The following ZFPM2 variants were observed in gnomAD, a reference collection of about 807,000 sequenced individuals.
ZFPM2 encodes the protein zinc finger protein, FOG family member 2.
A neutral mutation model predicts 98.6 loss-of-function variants in ZFPM2; 20 were observed. The ratio of observed to expected loss-of-function variants is 0.20; its 90% CI spans 0.14 to 0.29. The LOEUF (loss-of-function observed/expected upper bound fraction) is 0.29. Among genes scored for constraint, ZFPM2 ranks in the 10% least tolerant of loss-of-function variants. ZFPM2 has a pLI of 1.00. For missense variants in ZFPM2, 1,310 were observed against 1,388.6 expected (o/e 0.94, Z 0.90); for synonymous variants, 518 against 502.7 (o/e 1.03, Z -0.41).
At chr8:105,550,355 TAGTTA>T (rs1044554809) in intron 3 of ZFPM2, among the ~76,000 whole-genome samples, 4 of 152,180 alleles carry the variant, frequency 2.6e-5, no homozygotes, top group Non-Finnish European at 5.9e-5. Flanking sequence ...TCCTTCCACC[TAGTTA>T]AGTTGTTACA....
At chr8:105,771,327 A>G (rs770295750) in intron 5 of ZFPM2, among the ~76,000 whole-genome samples, 2 of 152,134 alleles carry the variant, frequency 1.3e-5, no homozygotes, top group East Asian at 1.9e-4. Flanking sequence ...ACAAAATCCT[A>G]TCACAACACC....
At chr8:105,380,938 T>TATATATATTATATGTTATATA (rs1563631499) in intron 1 of ZFPM2, among the ~76,000 whole-genome samples, 1 of 35,496 alleles carries the variant, frequency 2.8e-5, no homozygotes, top group African/African-American at 6.8e-5. Context: ...AATATATATA[T>TATATATATTATATGTTATATA]TATTATACTT....
At chr8:105,520,275 A>C (rs976588558) in intron 3 of ZFPM2, among the ~76,000 whole-genome samples, 1 of 152,160 alleles carries the variant, frequency 6.6e-6, no homozygotes. Context: ...AAAGACTTTT[A>C]AGTTGATGTA....
At chr8:105,547,082 A>G (rs1267035345) in intron 3 of ZFPM2, among the ~76,000 whole-genome samples, 1 of 152,168 alleles carries the variant, frequency 6.6e-6, no homozygotes, top group Non-Finnish European at 1.5e-5. Flanking sequence ...AATTGAAAGT[A>G]AGGTGCTCAA....
intron 4 of ZFPM2, among the ~76,000 whole-genome samples, chr8:105,615,549 T>G (rs1217974520): frequency 6.6e-6 from 1 of 152,134 alleles, no homozygotes; most frequent in African/African-American, 2.4e-5. Flanking sequence ...TTTTTGCCAT[T>G]TATATTTATA....
At chr8:105,498,040 A>C (rs1394087325) in intron 3 of ZFPM2, among the ~76,000 whole-genome samples, 12 of 151,306 alleles carry the variant, frequency 7.9e-5, no homozygotes, top group South Asian at 2.1e-4. Flanking sequence ...AAAAAAAAAA[A>C]AAAAAACAAA....
At chr8:105,354,065 A>C (rs1446444146) in intron 1 of ZFPM2, among the ~76,000 whole-genome samples, 2 of 152,210 alleles carry the variant, frequency 1.3e-5, no homozygotes, top group Admixed American at 6.5e-5. Flanking sequence ...AGTGGAGAGC[A>C]CTCATGATAG....
intron 3 of ZFPM2, among the ~76,000 whole-genome samples, chr8:105,458,853 AT>A (rs551610908): frequency 0.095 from 13,989 of 147,962 alleles, 1,260 homozygotes; most frequent in African/African-American, 0.24. Flanking sequence ...AGTAGAGAAT[AT>A]TTTTTTTTTT....
intron 1 of ZFPM2, among the ~76,000 whole-genome samples, chr8:105,347,826 CAT>C (rs1812566840): frequency 6.6e-6 from 1 of 152,006 alleles, no homozygotes; most frequent in African/African-American, 2.4e-5. Context: ...ATTAGAGAAA[CAT>C]ATTATAGCCG....
chr8:105,528,094 C>T (rs1479064929), intron 3 of ZFPM2, among the ~76,000 whole-genome samples: 2 of 152,198 alleles, frequency 1.3e-5, no homozygotes, highest in South Asian at 2.1e-4. Context: ...TTGCAGACTG[C>T]ACTTCTAGAA....
chr8:105,574,452 G>A (rs1327243860), intron 4 of ZFPM2, among the ~76,000 whole-genome samples: 1 of 152,172 alleles, frequency 6.6e-6, no homozygotes, highest in Non-Finnish European at 1.5e-5. Flanking sequence ...GGGGATTTCA[G>A]ACAATTGGAA....
chr8:105,480,821 G>A (rs1178401838), intron 3 of ZFPM2, among the ~76,000 whole-genome samples: 1 of 151,450 alleles, frequency 6.6e-6, no homozygotes, highest in African/African-American at 2.4e-5. Flanking sequence ...CAGGATCTCG[G>A]CTCACTGCAA....
chr8:105,607,444 C>G (rs533202463), intron 4 of ZFPM2, among the ~76,000 whole-genome samples: 1 of 152,218 alleles, frequency 6.6e-6, no homozygotes, highest in East Asian at 1.9e-4. Context: ...CTCACTTTCA[C>G]TCTCACACAC....
At chr8:105,424,981 G>T (rs143669091) in intron 2 of ZFPM2, among the ~76,000 whole-genome samples, 287 of 152,346 alleles carry the variant, frequency 1.9e-3, no homozygotes, top group African/African-American at 6.5e-3. Context: ...CATAAAGAGC[G>T]ATGGGGAAGG....
At chr8:105,704,916 CAGTT>C (rs1811222530) in intron 5 of ZFPM2, among the ~76,000 whole-genome samples, 1 of 152,274 alleles carries the variant, frequency 6.6e-6, no homozygotes, top group East Asian at 1.9e-4. Context: ...CTCCTCTAGT[CAGTT>C]AGTCTCGTCT....
chr8:105,456,146 G>GTTTTTTTTTTTTTTTTTTTTTTT (rs200639878), intron 3 of ZFPM2, among the ~76,000 whole-genome samples: 1 of 93,284 alleles, frequency 1.1e-5, no homozygotes. Flanking sequence ...CCAGGAAAAT[G>GTTTTTTTTTTTTTTTTTTTTTTT]TTTTTTTTTG....
At chr8:105,384,227 G>A (rs1023624091) in intron 1 of ZFPM2, among the ~76,000 whole-genome samples, 4 of 152,046 alleles carry the variant, frequency 2.6e-5, no homozygotes, top group African/African-American at 9.7e-5. Context: ...TCCAATTCTT[G>A]TCTTTTGAGT....
intron 5 of ZFPM2, among the ~76,000 whole-genome samples, chr8:105,656,118 A>G (rs559078473): frequency 6.6e-6 from 1 of 152,174 alleles, no homozygotes; most frequent in Non-Finnish European, 1.5e-5. Flanking sequence ...TAAATAGTAA[A>G]CCGATTCAAA....
intron 2 of ZFPM2, among the ~76,000 whole-genome samples, chr8:105,425,383 G>A (rs1457706213): frequency 1.3e-5 from 2 of 152,184 alleles, no homozygotes; most frequent in Non-Finnish European, 2.9e-5. Context: ...TATCCCTGAA[G>A]CCAAGGGCTT....
Sources: gnomAD v4.1 joint callset for allele counts (sites outside exome capture counted in the v4.1 genomes callset) on GRCh38, gnomAD v4.1.1 for gene constraint, MANE v1.5 for transcripts, NCBI Gene and HGNC (gene_info 2026-07-23, HGNC 2026-07-21) for gene names.